The following ELF4 variants were observed in gnomAD, a reference collection of about 807,000 sequenced individuals.
ELF4 encodes E74 like ETS transcription factor 4.
ELF4 carries 10 observed loss-of-function variants against 31.7 expected under a neutral mutation model. The observed-to-expected ratio is 0.32, with a 90% CI of 0.19 to 0.54. ELF4 has a LOEUF of 0.54. Ranked by LOEUF, ELF4 falls within the 20% of genes least tolerant of loss-of-function variation. The probability of loss-of-function intolerance (pLI) is 0.95; values close to 1 mark genes in which losing one functional copy is unlikely to be tolerated. For missense variants in ELF4, 418 were observed against 522.0 expected (o/e 0.80, Z 1.94); for synonymous variants, 208 against 226.7 (o/e 0.92, Z 0.74).
rs139928362 is a variant in ELF4 at position 130,076,690 on chromosome X, C to T, written c.76-1938G>A. ...AAGTGATCCACCCACCTTGGCCTCCCAAAGTGCTGAGATTACAGACGTAAG... is the reference window on the plus strand; with the variant it reads ...AAGTGATCCACCCACCTTGGCCTCCTAAAGTGCTGAGATTACAGACGTAAG... On this transcript the variant is annotated intron_variant, in intron 2 of 8. Transcript: ENST00000308167. Among the ~76,000 whole-genome samples the T allele has an allele frequency of 7.3e-4, 82 of 112,306 alleles. No homozygotes were observed. The East Asian group carries it at 0.022, about 30-fold the overall frequency.
At chrX:130,109,833 G>T (rs1030944338) in intron 1 of ELF4, among the ~76,000 whole-genome samples, 5 of 112,992 alleles carry the variant, frequency 4.4e-5, no homozygotes, top group Non-Finnish European at 9.4e-5. Flanking sequence ...GGCTCACACG[G>T]AAACTCCGGC....
chrX:130,070,962 C>T (rs1932782234), intron 7 of ELF4, 78 bp downstream of exon 7: 8 of 1,166,928 alleles, frequency 6.9e-6, no homozygotes, highest in East Asian at 5.9e-5. Context: ...TCCATGAAAG[C>T]GAGGAGGACT....
intron 7 of ELF4, 116 bp from the exon 8 acceptor site, chrX:130,069,793 G>C (rs751050608): frequency 2.8e-6 from 3 of 1,080,438 alleles, no homozygotes; most frequent in Non-Finnish European, 3.7e-6. Context: ...GCTGAGTGAG[G>C]CTGGCTGGGG....
intron 1 of ELF4, among the ~76,000 whole-genome samples, chrX:130,092,372 C>A (rs1409419429): frequency 2.7e-5 from 3 of 112,958 alleles, no homozygotes; most frequent in Non-Finnish European, 5.6e-5. Flanking sequence ...GAGGGAAGGG[C>A]CCTGCGTGGT....
In ELF4 at chrX:130,072,219, C is replaced by A; in HGVS notation, c.532+7G>T. ...AGACACACATACACTCACTCTCCCCCACTTACTTCTCTTCTTTGATTTCCC... is the reference window on the plus strand; with the variant it reads ...AGACACACATACACTCACTCTCCCCAACTTACTTCTCTTCTTTGATTTCCC... On this transcript the variant is annotated splice_region_variant and intron_variant, in intron 5 of 8. Transcript: ENST00000308167. The A allele has an allele frequency of 8.3e-7, 1 of 1,211,682 alleles. No homozygotes were observed. The highest frequency in any genetic ancestry group is 3.0e-5 in the East Asian group (1 of 33,840).
At chrX:130,089,537 A>AAAAAAAC (rs150215386) in intron 1 of ELF4, among the ~76,000 whole-genome samples, 1 of 104,942 alleles carries the variant, frequency 9.5e-6, no homozygotes, top group Non-Finnish European at 2.0e-5. Context: ...AAAAAAAAAA[A>AAAAAAAC]CACCTCTCCT....
rs189044087 is a variant in ELF4, at chrX:130,081,280, G to A, written c.51C>T (p.Asn17=). The A allele has an allele frequency of 5.0e-6, 6 of 1,210,826 alleles. No homozygotes were observed. In the Admixed American group the frequency reaches 6.5e-5, roughly 13 times the overall value. The change falls in exon 2 of 9, where the codon AAC becomes AAT. Residue 17 remains asparagine, a synonymous_variant. Coordinates refer to ENST00000308167, the MANE Select transcript of ELF4 (RefSeq NM_001421.4). ...PSDLIFEFAS[N]GMDDDIHQLE... ...CCTGGTGGATATCATCATCCATCCC[G>A]TTGCTTGCGAACTCAAAGATCAGGT...
intron 1 of ELF4, among the ~76,000 whole-genome samples, chrX:130,101,582 C>T (rs1435676943): frequency 5.5e-5 from 6 of 110,077 alleles, no homozygotes; most frequent in Non-Finnish European, 1.1e-4. Flanking sequence ...CACCTGAGGT[C>T]GGAGTTCCAG....
At chrX:130,094,088 C>T (rs771875169) in intron 1 of ELF4, among the ~76,000 whole-genome samples, 8 of 111,374 alleles carry the variant, frequency 7.2e-5, no homozygotes, top group Non-Finnish European at 1.5e-4. Context: ...AAAAATTGGC[C>T]GGGTGTGGTG....
At chrX:130,104,170 G>A (rs971914221) in intron 1 of ELF4, among the ~76,000 whole-genome samples, 3 of 111,128 alleles carry the variant, frequency 2.7e-5, no homozygotes, top group African/African-American at 9.8e-5. Context: ...TGCAGTGAAT[G>A]ATGCTCAAGA....
rs928552625 is a variant in ELF4, at chrX:130,074,230, A to G, written c.248-89T>C. 25 of 976,341 alleles carry G rather than the reference A, an allele frequency of 2.6e-5. No individual in the cohort carries two copies. The Admixed American group carries it at 5.3e-4, about 21-fold the overall frequency. 80.5% of individuals were successfully genotyped at this position (976,341 alleles called of 1,213,427 possible). ...ACAGCTATAATCAGGGCCAGCCCGA[A>G]GAAAGGATGGTGGTAAGCATCCTTC... On this transcript the variant is annotated intron_variant, in intron 3 of 8. Coordinates refer to ENST00000308167, the MANE Select transcript of ELF4 (RefSeq NM_001421.4).
rs1427947484 is a variant in ELF4, at chrX:130,067,133, G to C, written c.1580C>G (p.Thr527Ser). Residue 527 changes from threonine (T) to serine (S), a missense_variant, in exon 9 of 9, where the codon ACT becomes AGT. By Grantham distance (58) the Thr-to-Ser change is moderately conservative. This residue lies in a region of ELF4 where 260 missense variants were observed against 269.2 expected (regional missense o/e 0.97). Transcript: ENST00000308167. ...CCTAGGGGCTGCTGTAGTGCCAGAA[G>C]TCCTGATGAAGGCAGCAATGACAGT... ...PGTVIAAFIR[T>S]SGTTAAPRVK... 2 of 1,199,764 alleles carry C rather than the reference G, an allele frequency of 1.7e-6. No individual in the cohort carries two copies. The highest frequency in any genetic ancestry group is 3.5e-5 in the African/African-American group (2 of 57,012).
At chrX:130,068,761 C>T (rs1480998996) in intron 8 of ELF4, among the ~76,000 whole-genome samples, 6 of 112,439 alleles carry the variant, frequency 5.3e-5, no homozygotes, top group Admixed American at 2.8e-4. Context: ...GGCCAGGACA[C>T]GGACGCCCTG....
chrX:130,102,953 AG>A (rs1423275572), intron 1 of ELF4, among the ~76,000 whole-genome samples: 3 of 45,786 alleles, frequency 6.6e-5, no homozygotes, highest in African/African-American at 4.6e-4. Context: ...GAAGGAAGGA[AG>A]GGAGGGAGGA....
In ELF4 at chrX:130,067,465, G is replaced by A; in HGVS notation, c.1248C>T (p.Ala416=). 8.3e-7 allele frequency: 1 copy of A among 1,211,793 alleles called. No individual in the cohort carries two copies. The highest frequency in any genetic ancestry group is 1.1e-6 in the Non-Finnish European group (1 of 895,500). ...LGVAPVGSGS[A]LTLQTIPLTT... ...TCAGTGGGATCGTCTGCAGGGTCAG[G>A]GCCGAGCCCGACCCCACGGGGGCCA... is the stretch of plus-strand genomic sequence containing the variant. Residue 416 remains alanine, a synonymous_variant, in exon 9 of 9, where the codon GCC becomes GCT. Transcript: ENST00000308167.
At chrX:130,091,588 C>T (rs1482303256) in intron 1 of ELF4, among the ~76,000 whole-genome samples, 1 of 112,158 alleles carries the variant, frequency 8.9e-6, no homozygotes, top group Non-Finnish European at 1.9e-5. Flanking sequence ...ACACCCACCC[C>T]ATCATGTTGA....
Position 130,069,343 on chromosome X carries a change from C to T in ELF4, c.1144G>A (p.Val382Ile), listed in dbSNP as rs148953158. ...EEIPTTSTMLVSPAEGQVKLT... is the reference protein window; with the variant it reads ...EEIPTTSTMLISPAEGQVKLT... ...TTGACCTGGCCCTCTGCTGGAGAGACGAGCATGGTGGAGGTAGTGGGGATC... is the reference window on the plus strand; with the variant it reads ...TTGACCTGGCCCTCTGCTGGAGAGATGAGCATGGTGGAGGTAGTGGGGATC... The change falls in exon 8 of 9, where the codon GTC becomes ATC. Residue 382 changes from valine (V) to isoleucine (I), a missense_variant. Physicochemically the swap from Val to Ile is conservative, Grantham distance 29 (BLOSUM62 3). This residue lies in a region of ELF4 where 260 missense variants were observed against 269.2 expected (regional missense o/e 0.97). Transcript: ENST00000308167. 230 of 1,210,842 alleles carry T rather than the reference C, an allele frequency of 1.9e-4. No individual in the cohort carries two copies. The Middle Eastern group carries it at 4.6e-3, about 24-fold the overall frequency.
At chrX:130,091,831 G>A (rs1933062858) in intron 1 of ELF4, among the ~76,000 whole-genome samples, 2 of 111,693 alleles carry the variant, frequency 1.8e-5, no homozygotes, top group African/African-American at 6.5e-5. Context: ...GGCCTGTCTA[G>A]CCCTATGACT....
intron 5 of ELF4, among the ~76,000 whole-genome samples, chrX:130,071,751 T>C (rs1366387080): frequency 1.8e-5 from 2 of 112,905 alleles, no homozygotes; most frequent in Non-Finnish European, 3.7e-5. Context: ...TGAGGTTCGG[T>C]TGCCATGCTG....
Sources: gnomAD v4.1 joint callset for allele counts (sites outside exome capture counted in the v4.1 genomes callset) on GRCh38, gnomAD v4.1.1 for gene constraint, gnomAD v4.1.1 regional missense constraint, MANE v1.5 for transcripts, NCBI Gene and HGNC (gene_info 2026-07-23, HGNC 2026-07-21) for gene names.